COQ3: variants seen among roughly 807,000 people sequenced by gnomAD.
The protein encoded by COQ3 is coenzyme Q3, methyltransferase.
Under a neutral mutation model 33.1 loss-of-function variants are expected in COQ3, and 29 were observed. The observed-to-expected ratio is 0.88, with a 90% confidence interval of 0.65 to 1.19. The LOEUF (loss-of-function observed/expected upper bound fraction) is 1.19. Among genes scored for constraint, COQ3 ranks in the 50% most tolerant of loss-of-function variants. COQ3 has a pLI of 0.00. For missense variants in COQ3, 437 were observed against 430.7 expected (o/e 1.01, Z -0.13); for synonymous variants, 173 against 157.8 (o/e 1.10, Z -0.72).
At position 99,377,385 on chromosome 6, in the gene COQ3, C is replaced by G; in HGVS notation, c.486+1G>C. 1 of 1,609,096 alleles carries G rather than the reference C, an allele frequency of 6.2e-7. No individual in the cohort carries two copies. The highest frequency in any genetic ancestry group is 8.5e-7 in the Non-Finnish European group (1 of 1,175,616). ...AAAATGGCAGGAAAGCTGTCACTTA[C>G]TTCAGTTAACAGCCCACCACCACAG... On this transcript the variant is annotated splice_donor_variant, in intron 4 of 6. Transcript: ENST00000254759. LOFTEE classifies it high-confidence loss of function.
chr6:99,373,240 C>T (rs1348656486), intron 5 of COQ3, among the ~76,000 whole-genome samples: 1 of 152,054 alleles, frequency 6.6e-6, no homozygotes, highest in African/African-American at 2.4e-5. Flanking sequence ...GCCTGGTCAA[C>T]ATAGCGAGAA....
chr6:99,371,644 A>G, intron 5 of COQ3, 57 bp from the exon 6 acceptor site: 1 of 1,203,016 alleles, frequency 8.3e-7, no homozygotes, highest in Non-Finnish European at 1.2e-6. Flanking sequence ...GTATCACTTA[A>G]GTAAAAGCTG....
chr6:99,369,518 T>C lies in COQ3; in HGVS notation c.*82A>G. The C allele has an allele frequency of 9.1e-7, 1 of 1,098,984 alleles. No individual in the cohort carries two copies. 68.1% of individuals were successfully genotyped at this position (1,098,984 alleles called of 1,614,324 possible). On this transcript the variant is annotated 3_prime_UTR_variant, in exon 7 of 7. Coordinates refer to ENST00000254759, the MANE Select transcript of COQ3 (RefSeq NM_017421.4). ...ATTGACCTTCTTTTCTTCATGATTC[T>C]CTCTCAAAGGATAAATTGTACATTT...
At chr6:99,389,916 C>T (rs1402270960) in intron 1 of COQ3, among the ~76,000 whole-genome samples, 1 of 152,058 alleles carries the variant, frequency 6.6e-6, no homozygotes, top group African/African-American at 2.4e-5. Flanking sequence ...GAGTTTGAGA[C>T]CAGGCTGGCC....
At chr6:99,391,106 T>TTGATTG (rs1562211584) in intron 1 of COQ3, among the ~76,000 whole-genome samples, 5 of 95,742 alleles carry the variant, frequency 5.2e-5, no homozygotes, top group Middle Eastern at 6.3e-3. Flanking sequence ...TTTATTTATT[T>TTGATTG]ATTTATTTAT....
intron 2 of COQ3, among the ~76,000 whole-genome samples, chr6:99,382,290 A>G (rs1274900502): frequency 1.9e-4 from 29 of 152,308 alleles, no homozygotes. Flanking sequence ...CACTACACTG[A>G]CTTCCATGTA....
rs745462481 is a variant in COQ3, at chr6:99,375,982, A to G, written c.687T>C (p.Ile229=). ...VVASEVVEHV[I]DLETFLQCCC... ...AGCACTGTAAAAATGTTTCTAGATC[A>G]ATCACATGTTCTACAACTTCAGAAG... The change falls in exon 5 of 7, where the codon ATT becomes ATC. Residue 229 remains isoleucine (I), a synonymous_variant. Transcript: ENST00000254759. The G allele has an allele frequency of 6.2e-7, 1 of 1,614,078 alleles. No individual in the cohort carries two copies. The highest frequency in any genetic ancestry group is 1.7e-5 in the Admixed American group (1 of 60,032).
At chr6:99,374,068 A>G (rs151212888) in intron 5 of COQ3, among the ~76,000 whole-genome samples, 1 of 151,380 alleles carries the variant, frequency 6.6e-6, no homozygotes, top group Non-Finnish European at 1.5e-5. Flanking sequence ...AGAAATGACA[A>G]CTAAATACAT....
At chr6:99,378,118 A>G (rs1481489649) in intron 3 of COQ3, among the ~76,000 whole-genome samples, 5 of 21,390 alleles carry the variant, frequency 2.3e-4, no homozygotes, top group African/African-American at 8.7e-4. Flanking sequence ...ATATATATAT[A>G]TATATATATA....
chr6:99,379,302 C>T (rs534197087), intron 3 of COQ3, among the ~76,000 whole-genome samples: 12 of 152,276 alleles, frequency 7.9e-5, no homozygotes, highest in African/African-American at 2.9e-4. Flanking sequence ...TAATTCATCA[C>T]GTTAAGTGAG....
chr6:99,380,412 T>C, intron 2 of COQ3, 71 bp from the exon 3 acceptor site: 1 of 1,465,766 alleles, frequency 6.8e-7, no homozygotes, highest in Non-Finnish European at 9.5e-7. Flanking sequence ...GGATATTATG[T>C]AGAAAGATAG....
intron 2 of COQ3, among the ~76,000 whole-genome samples, chr6:99,381,237 C>T (rs1300151374): frequency 1.3e-5 from 2 of 152,154 alleles, no homozygotes; most frequent in African/African-American, 4.8e-5. Context: ...CATCCCTTTC[C>T]AATCTGTTCT....
intron 2 of COQ3, among the ~76,000 whole-genome samples, chr6:99,382,161 C>G (rs1309779365): frequency 6.6e-6 from 1 of 152,084 alleles, no homozygotes; most frequent in African/African-American, 2.4e-5. Flanking sequence ...GAACATGGTG[C>G]TCAGGAAGCA....
At chr6:99,371,658 C>T (rs1774148596) in intron 5 of COQ3, 71 bp from the exon 6 acceptor site, 5 of 950,256 alleles carry the variant, frequency 5.3e-6, no homozygotes, top group African/African-American at 5.2e-5. Context: ...AAAGCTGTTT[C>T]CCCCTCCCTC....
chr6:99,381,890 C>T (rs1774482988), intron 2 of COQ3, among the ~76,000 whole-genome samples: 2 of 148,670 alleles, frequency 1.3e-5, no homozygotes, highest in East Asian at 4.0e-4. Context: ...CATGCCACTG[C>T]ACTCCAGCCT....
In COQ3 at chr6:99,387,752, A is replaced by G. The variant is rs1774694168; in HGVS notation, c.107-3928T>C. ...GTCTTATTCAGTGCAATGAGGCAAGAAAAGGAAATAAAAGATATATAGAAT... is the reference window on the plus strand; with the variant it reads ...GTCTTATTCAGTGCAATGAGGCAAGGAAAGGAAATAAAAGATATATAGAAT... On this transcript the variant is annotated intron_variant, in intron 1 of 6. Coordinates refer to ENST00000254759, the MANE Select transcript of COQ3 (RefSeq NM_017421.4). Among the ~76,000 whole-genome samples, 4 of 152,254 alleles carry G rather than the reference A, an allele frequency of 2.6e-5. No individual in the cohort carries two copies. In the South Asian group the frequency reaches 8.3e-4, roughly 31 times the overall value.
chr6:99,388,741 A>G (rs1194593827), intron 1 of COQ3, among the ~76,000 whole-genome samples: 7 of 152,024 alleles, frequency 4.6e-5, no homozygotes, highest in African/African-American at 1.7e-4. Flanking sequence ...CGAGCTACTC[A>G]GGAGGCTGAG....
intron 2 of COQ3, among the ~76,000 whole-genome samples, chr6:99,381,991 T>A (rs978761821): frequency 6.6e-6 from 1 of 151,874 alleles, no homozygotes. Flanking sequence ...TCATCCCCTG[T>A]CCCCCTATTT....
At chr6:99,376,974 G>T (rs1342487106) in intron 4 of COQ3, among the ~76,000 whole-genome samples, 1 of 147,958 alleles carries the variant, frequency 6.8e-6, no homozygotes, top group Non-Finnish European at 1.5e-5. Context: ...AAAAAAAAAA[G>T]ATTAAAATCA....
Sources: gnomAD v4.1 joint callset for allele counts (sites outside exome capture counted in the v4.1 genomes callset) on GRCh38, gnomAD v4.1.1 for gene constraint, MANE v1.5 for transcripts, NCBI Gene and HGNC (gene_info 2026-07-23, HGNC 2026-07-21) for gene names.